ATG10: variants seen among roughly 807,000 people sequenced by gnomAD.
ATG10 encodes the protein ubiquitin-like-conjugating enzyme ATG10.
Under a neutral mutation model 32.1 loss-of-function variants are expected in ATG10, and 30 were observed. That is an observed-to-expected ratio of 0.94 (90% CI 0.70 to 1.27). The LOEUF (loss-of-function observed/expected upper bound fraction) is 1.27, where lower values mean the gene tolerates loss of function less well. Among genes scored for constraint, ATG10 ranks in the 50% most tolerant of loss-of-function variants. ATG10 has a pLI of 0.00. For missense variants in ATG10, 233 were observed against 262.3 expected (o/e 0.89, Z 0.77); for synonymous variants, 87 against 91.5 (o/e 0.95, Z 0.28).
intron 5 of ATG10, among the ~76,000 whole-genome samples, chr5:82,183,326 C>T (rs1041153672): frequency 6.6e-6 from 1 of 150,822 alleles, no homozygotes; most frequent in African/African-American, 2.4e-5. Context: ...TCCTCCATCT[C>T]TTTTTTTTTC....
In ATG10 at chr5:82,240,417, GA is replaced by G. The variant is rs1254009514; in HGVS notation, c.454-12142del. Reference sequence around the variant, plus strand: ...TGTTAACTGAAATAAGCCAAGCACAGAAAGACAAATGTTGCATGTTCTCACT... The same window carrying G: ...TGTTAACTGAAATAAGCCAAGCACAGAAGACAAATGTTGCATGTTCTCACT... On this transcript the variant is annotated intron_variant, in intron 5 of 7. Transcript: ENST00000282185. Among the ~76,000 whole-genome samples the G allele has an allele frequency of 5.3e-5, 8 of 152,318 alleles. No individual in the cohort carries two copies. The East Asian group carries it at 1.5e-3, about 29-fold the overall frequency.
chr5:82,195,863 A>G (rs1262585407), intron 5 of ATG10, among the ~76,000 whole-genome samples: 1 of 152,208 alleles, frequency 6.6e-6, no homozygotes, highest in Non-Finnish European at 1.5e-5. Context: ...AAGTTTTTAT[A>G]TGAATATGTT....
intron 5 of ATG10, among the ~76,000 whole-genome samples, chr5:82,220,157 C>A (rs973904934): frequency 1.3e-5 from 2 of 152,148 alleles, no homozygotes; most frequent in Non-Finnish European, 2.9e-5. Flanking sequence ...GTGAGCAGTG[C>A]GTGCAGGGTC....
intron 5 of ATG10, among the ~76,000 whole-genome samples, chr5:82,193,698 C>A (rs1744747286): frequency 6.6e-6 from 1 of 152,160 alleles, no homozygotes; most frequent in South Asian, 2.1e-4. Context: ...AGGGTGAGTT[C>A]TATAAAATAA....
chr5:82,025,343 T>C (rs186503113), intron 2 of ATG10, among the ~76,000 whole-genome samples: 2 of 152,352 alleles, frequency 1.3e-5, no homozygotes, highest in Admixed American at 1.3e-4. Context: ...CTGTTAAGGC[T>C]GCTTATGATG....
chr5:82,027,582 T>A (rs911000233), intron 2 of ATG10, among the ~76,000 whole-genome samples: 2 of 152,198 alleles, frequency 1.3e-5, no homozygotes, highest in African/African-American at 4.8e-5. Flanking sequence ...GTTCCCTAAC[T>A]CTATAAATAG....
intron 3 of ATG10, among the ~76,000 whole-genome samples, chr5:82,141,939 C>T (rs182969100): frequency 2.6e-5 from 4 of 152,090 alleles, no homozygotes; most frequent in Non-Finnish European, 4.4e-5. Flanking sequence ...CTTTTTTGCC[C>T]TGTCACGTTA....
chr5:82,151,506 T>A (rs1767591845), intron 3 of ATG10, among the ~76,000 whole-genome samples: 3 of 152,208 alleles, frequency 2.0e-5, no homozygotes, highest in Admixed American at 2.0e-4. Context: ...CATTGCATGT[T>A]ATGCATTGCA....
chr5:82,076,745 T>C (rs185485787), intron 3 of ATG10, among the ~76,000 whole-genome samples: 55 of 152,348 alleles, frequency 3.6e-4, no homozygotes, highest in Non-Finnish European at 6.9e-4. Flanking sequence ...ATTCATAGAA[T>C]AGTAGACTAA....
chr5:82,044,442 A>G (rs867663205), intron 2 of ATG10, among the ~76,000 whole-genome samples: 1 of 152,090 alleles, frequency 6.6e-6, no homozygotes, highest in Non-Finnish European at 1.5e-5. Context: ...TATGGGTCCA[A>G]TTCTATTGGC....
intron 4 of ATG10, among the ~76,000 whole-genome samples, chr5:82,167,830 C>T (rs1295310535): frequency 6.6e-6 from 1 of 152,172 alleles, no homozygotes; most frequent in African/African-American, 2.4e-5. Context: ...AAGTGGGCAA[C>T]GTGGATTTAA....
At chr5:82,002,404 CAGT>C (rs1761875716) in intron 2 of ATG10, among the ~76,000 whole-genome samples, 1 of 152,096 alleles carries the variant, frequency 6.6e-6, no homozygotes, top group South Asian at 2.1e-4. Flanking sequence ...TGCCCATCAA[CAGT>C]AGACTGGATA....
chr5:82,206,026 T>G (rs577953269), intron 5 of ATG10, among the ~76,000 whole-genome samples: 4 of 152,310 alleles, frequency 2.6e-5, no homozygotes, highest in African/African-American at 9.6e-5. Flanking sequence ...ATCTTGAGAA[T>G]AGTTGACTAA....
intron 3 of ATG10, among the ~76,000 whole-genome samples, chr5:82,158,161 TTATTGTTAA>T (rs1358643641): frequency 6.6e-6 from 1 of 152,206 alleles, no homozygotes; most frequent in African/African-American, 2.4e-5. Flanking sequence ...CACTGTCAAC[TTATTGTTAA>T]TTGAATTCAA....
At chr5:82,139,601 CCCGGCAGCCACCCCAT>C (rs1766963673) in intron 3 of ATG10, among the ~76,000 whole-genome samples, 3 of 149,528 alleles carry the variant, frequency 2.0e-5, no homozygotes, top group African/African-American at 5.0e-5. Flanking sequence ...AGCCTCTCCG[CCCGGCAGCCACCCCAT>C]CTGGGAAGTG....
chr5:82,238,518 GAATTA>G (rs1746657458), intron 5 of ATG10, among the ~76,000 whole-genome samples: 1 of 152,076 alleles, frequency 6.6e-6, no homozygotes, highest in Non-Finnish European at 1.5e-5. Flanking sequence ...TAAACCCCAT[GAATTA>G]AGATAATTAG....
intron 3 of ATG10, among the ~76,000 whole-genome samples, chr5:82,067,493 C>T (rs569712809): frequency 1.2e-4 from 19 of 152,130 alleles, no homozygotes; most frequent in Non-Finnish European, 2.5e-4. Context: ...GTTTAGTGTT[C>T]TGCTATAAAG....
At chr5:82,132,896 C>G (rs1057413033) in intron 3 of ATG10, among the ~76,000 whole-genome samples, 2 of 152,162 alleles carry the variant, frequency 1.3e-5, no homozygotes, top group African/African-American at 4.8e-5. Flanking sequence ...TCCTCTCCAG[C>G]ATCTATTGTT....
intron 3 of ATG10, among the ~76,000 whole-genome samples, chr5:82,082,856 AT>A (rs757215437): frequency 1.6e-4 from 25 of 152,212 alleles, no homozygotes; most frequent in Non-Finnish European, 3.4e-4. Context: ...ATAGTAGAAA[AT>A]TAAAAAATAC....
Sources: allele counts gnomAD v4.1 joint callset (sites outside exome capture counted in the v4.1 genomes callset), GRCh38; gene constraint gnomAD v4.1.1; transcripts MANE v1.5; gene names NCBI Gene and HGNC (gene_info 2026-07-23, HGNC 2026-07-21).